Variants in DNAH11 observed in about 807,000 individuals in gnomAD.
The protein encoded by DNAH11 is dynein axonemal heavy chain 11, also known as axonemal beta dynein heavy chain 11.
A neutral mutation model predicts 526.0 loss-of-function variants in DNAH11; 442 were observed. That is an observed-to-expected ratio of 0.84 (90% CI 0.78 to 0.91). The LOEUF is 0.91. Ranked by LOEUF, DNAH11 falls within the 40% of genes least tolerant of loss-of-function variation. The probability of loss-of-function intolerance (pLI) is 0.00; values close to 1 mark genes in which losing one functional copy is unlikely to be tolerated. For synonymous variants in DNAH11, 2,461 were observed against 1,935.9 expected, an observed-to-expected ratio of 1.27 and a Z score of -7.12; for missense variants, 6,989 against 5,448.7, an observed-to-expected ratio of 1.28 and a Z score of -8.90.
chr7:21,879,577 G>A (rs73077549), intron 74 of DNAH11, among the ~76,000 whole-genome samples: 19,465 of 152,158 alleles, frequency 0.13, 1,577 homozygotes, highest in East Asian at 0.33. Context: ...ATAATGTGTC[G>A]TGGTGATTTT....
At chr7:21,651,127 A>T (rs1390285856) in intron 28 of DNAH11, among the ~76,000 whole-genome samples, 1 of 152,134 alleles carries the variant, frequency 6.6e-6, no homozygotes, top group Admixed American at 6.5e-5. Flanking sequence ...TATTATTATG[A>T]ATATTGTCAT....
At chr7:21,697,426 T>A (rs1783902551) in intron 35 of DNAH11, among the ~76,000 whole-genome samples, 1 of 152,192 alleles carries the variant, frequency 6.6e-6, no homozygotes, top group Non-Finnish European at 1.5e-5. Flanking sequence ...TTCATGAATG[T>A]TCTGAGTTGG....
chr7:21,656,497 G>C (rs181326478), intron 29 of DNAH11, among the ~76,000 whole-genome samples: 28 of 152,284 alleles, frequency 1.8e-4, no homozygotes, highest in Admixed American at 1.8e-3. Context: ...TGTGCACAGA[G>C]TTAAGTTAGC....
chr7:21,782,637 C>T (rs1360345322), intron 57 of DNAH11, among the ~76,000 whole-genome samples: 12 of 152,248 alleles, frequency 7.9e-5, no homozygotes, highest in East Asian at 3.9e-4. Flanking sequence ...TTTAGCAAGA[C>T]GCAGTGGCCC....
chr7:21,753,349 T>A (rs140854997), intron 54 of DNAH11, among the ~76,000 whole-genome samples: 109 of 152,126 alleles, frequency 7.2e-4, no homozygotes, highest in African/African-American at 2.3e-3. Context: ...TACTAAGGAG[T>A]CTGAGGGAGT....
At chr7:21,619,344 C>T in intron 24 of DNAH11, 122 bp downstream of exon 24, 6 of 1,162,182 alleles carry the variant, frequency 5.2e-6, no homozygotes, top group East Asian at 2.6e-5. Context: ...CCAGTTTGTT[C>T]CCTGCTGTTC....
chr7:21,709,116 C>T (rs1784372311), intron 40 of DNAH11, among the ~76,000 whole-genome samples: 1 of 152,186 alleles, frequency 6.6e-6, no homozygotes, highest in Non-Finnish European at 1.5e-5. Flanking sequence ...ACCAAAAAGA[C>T]ACATTCACTC....
chr7:21,599,238 C>T (rs1281885305), intron 14 of DNAH11, among the ~76,000 whole-genome samples: 1 of 152,168 alleles, frequency 6.6e-6, no homozygotes, highest in African/African-American at 2.4e-5. Flanking sequence ...TGCAACCTCA[C>T]CAGCATCTGT....
intron 28 of DNAH11, among the ~76,000 whole-genome samples, chr7:21,651,593 A>G (rs942276490): frequency 2.6e-5 from 4 of 152,216 alleles, no homozygotes; most frequent in Admixed American, 1.3e-4. Flanking sequence ...TGCATTTTAA[A>G]TTATAAAATT....
At chr7:21,588,765 T>A (rs1262608221) in intron 11 of DNAH11, 129 bp downstream of exon 11, 3 of 1,089,078 alleles carry the variant, frequency 2.8e-6, no homozygotes, top group Non-Finnish European at 4.0e-6. Flanking sequence ...ACTGGTTGGG[T>A]TTGTGGAGAG....
chr7:21,860,389 T>C (rs1783013045), intron 68 of DNAH11, among the ~76,000 whole-genome samples: 1 of 152,102 alleles, frequency 6.6e-6, no homozygotes, highest in Non-Finnish European at 1.5e-5. Flanking sequence ...GTGTAGCAAT[T>C]CCTCAGAAAA....
chr7:21,633,483 G>A (rs911702683), intron 25 of DNAH11, among the ~76,000 whole-genome samples: 2 of 152,024 alleles, frequency 1.3e-5, no homozygotes, highest in African/African-American at 4.8e-5. Context: ...ATATATTTAG[G>A]TTCTCTGATG....
chr7:21,804,832 C>T (rs1315781617), intron 62 of DNAH11, among the ~76,000 whole-genome samples: 1 of 152,180 alleles, frequency 6.6e-6, no homozygotes, highest in Non-Finnish European at 1.5e-5. Flanking sequence ...ATTCACATCA[C>T]TCCTTCACTC....
chr7:21,674,852 C>A (rs976466065), intron 30 of DNAH11, among the ~76,000 whole-genome samples: 11 of 151,818 alleles, frequency 7.2e-5, no homozygotes, highest in African/African-American at 2.7e-4. Flanking sequence ...ACGTGCCCAA[C>A]TGCAGAAAAA....
At chr7:21,776,544 G>A (rs1330650881) in intron 56 of DNAH11, among the ~76,000 whole-genome samples, 4 of 152,182 alleles carry the variant, frequency 2.6e-5, no homozygotes, top group Non-Finnish European at 1.5e-5. Flanking sequence ...CAGTAAAGCT[G>A]TAAGCACCTT....
At chr7:21,684,196 C>G (rs1487364472) in intron 32 of DNAH11, among the ~76,000 whole-genome samples, 1 of 152,180 alleles carries the variant, frequency 6.6e-6, no homozygotes, top group Admixed American at 6.5e-5. Context: ...TTTCTGGTAT[C>G]AGGATCTATC....
chr7:21,764,607 C>T (rs12700303), intron 54 of DNAH11, among the ~76,000 whole-genome samples: 84,418 of 151,916 alleles, frequency 0.56, 25,850 homozygotes, highest in Non-Finnish European at 0.69. Flanking sequence ...TAGCACTTTA[C>T]ACAGGGTGTC....
intron 45 of DNAH11, among the ~76,000 whole-genome samples, chr7:21,726,620 G>C (rs897012228): frequency 4.0e-5 from 6 of 151,698 alleles, no homozygotes; most frequent in Admixed American, 1.3e-4. Flanking sequence ...CCAGCACTTT[G>C]GGAGGCCGAG....
intron 80 of DNAH11, 124 bp downstream of exon 80, chr7:21,899,572 A>T (rs936040906): frequency 4.2e-5 from 33 of 785,836 alleles, no homozygotes; most frequent in Non-Finnish European, 6.6e-5. Context: ...AGCAGCCATT[A>T]TAGAAAGGAC....
Sources: allele counts gnomAD v4.1 joint callset (sites outside exome capture counted in the v4.1 genomes callset), GRCh38; gene constraint gnomAD v4.1.1; transcripts MANE v1.5; gene names NCBI Gene and HGNC (gene_info 2026-07-23, HGNC 2026-07-21).